The following FBXL7 variants were observed in gnomAD, a reference collection of about 807,000 sequenced individuals.
FBXL7 encodes the protein F-box/LRR-repeat protein 7.
In FBXL7, 12 loss-of-function variants were observed where a neutral mutation model predicts 38.3. The ratio of observed to expected loss-of-function variants is 0.31; its 90% CI spans 0.20 to 0.51. The LOEUF (loss-of-function observed/expected upper bound fraction) is 0.51, where lower values mean the gene tolerates loss of function less well. FBXL7 is among the 20% of genes least tolerant of loss of function. The pLI is 0.98. For synonymous variants in FBXL7, 297 were observed against 300.9 expected (o/e 0.99, Z 0.13); for missense variants, 567 against 676.4 (o/e 0.84, Z 1.79).
chr5:15,559,171 A>G (rs1204807051), intron 1 of FBXL7, among the ~76,000 whole-genome samples: 1 of 152,206 alleles, frequency 6.6e-6, no homozygotes, highest in African/African-American at 2.4e-5. Context: ...ACATATCAGG[A>G]AGACATGAAG....
intron 2 of FBXL7, among the ~76,000 whole-genome samples, chr5:15,771,657 G>A (rs1736729819): frequency 6.6e-6 from 1 of 151,944 alleles, no homozygotes; most frequent in Admixed American, 6.6e-5. Flanking sequence ...GTATTACTGA[G>A]GTACAGTCTG....
chr5:15,917,694 G>GAAGGAAGGAAGA (rs1287839446), intron 2 of FBXL7, among the ~76,000 whole-genome samples: 21 of 140,490 alleles, frequency 1.5e-4, no homozygotes, highest in South Asian at 4.5e-4. Context: ...AGGAAGGAAG[G>GAAGGAAGGAAGA]AAGAAAGAAA....
At chr5:15,873,694 C>T (rs757178199) in intron 2 of FBXL7, among the ~76,000 whole-genome samples, 4 of 152,120 alleles carry the variant, frequency 2.6e-5, no homozygotes, top group South Asian at 2.1e-4. Flanking sequence ...TGGACACATA[C>T]GCCCTCCCAA....
At chr5:15,556,175 G>T (rs993901012) in intron 1 of FBXL7, among the ~76,000 whole-genome samples, 1 of 152,026 alleles carries the variant, frequency 6.6e-6, no homozygotes, top group African/African-American at 2.4e-5. Flanking sequence ...TTATGTGACT[G>T]TGGAGGCTGG....
At chr5:15,905,604 T>G (rs1026124678) in intron 2 of FBXL7, among the ~76,000 whole-genome samples, 1 of 152,074 alleles carries the variant, frequency 6.6e-6, no homozygotes, top group Non-Finnish European at 1.5e-5. Context: ...CAAACAAATG[T>G]AACAACAACA....
At chr5:15,717,561 T>G (rs1744078110) in intron 2 of FBXL7, among the ~76,000 whole-genome samples, 1 of 152,202 alleles carries the variant, frequency 6.6e-6, no homozygotes, top group African/African-American at 2.4e-5. Flanking sequence ...ATTTGAATAA[T>G]AAGAAACTGC....
At chr5:15,566,017 C>T (rs919812792) in intron 1 of FBXL7, among the ~76,000 whole-genome samples, 14 of 151,900 alleles carry the variant, frequency 9.2e-5, no homozygotes, top group African/African-American at 2.7e-4. Context: ...AATCATCACA[C>T]GTGTAAAACT....
intron 2 of FBXL7, among the ~76,000 whole-genome samples, chr5:15,849,433 G>C (rs565067277): frequency 1.3e-5 from 2 of 152,328 alleles, no homozygotes; most frequent in African/African-American, 4.8e-5. Flanking sequence ...ACCTGTTGTA[G>C]GAGGGACTTG....
chr5:15,777,763 A>T (rs984112178), intron 2 of FBXL7, among the ~76,000 whole-genome samples: 4 of 149,508 alleles, frequency 2.7e-5, no homozygotes, highest in African/African-American at 9.9e-5. Context: ...TCCAGTTCCA[A>T]GGTTGAATAA....
chr5:15,658,422 G>A (rs1343649690), intron 2 of FBXL7, among the ~76,000 whole-genome samples: 2 of 152,156 alleles, frequency 1.3e-5, no homozygotes, highest in African/African-American at 4.8e-5. Flanking sequence ...TAATTGAATC[G>A]TGAGGGCAGT....
intron 2 of FBXL7, among the ~76,000 whole-genome samples, chr5:15,897,644 G>T (rs1741136491): frequency 6.6e-6 from 1 of 152,208 alleles, no homozygotes; most frequent in African/African-American, 2.4e-5. Context: ...TGTCTGAAGG[G>T]TGGGAGAGTT....
chr5:15,674,645 C>A (rs1469795549), intron 2 of FBXL7, among the ~76,000 whole-genome samples: 1 of 152,102 alleles, frequency 6.6e-6, no homozygotes, highest in Non-Finnish European at 1.5e-5. Context: ...ACTAAAAAAA[C>A]ACGGAGACAA....
chr5:15,609,592 T>G (rs1274816528), intron 1 of FBXL7, among the ~76,000 whole-genome samples: 4 of 152,202 alleles, frequency 2.6e-5, no homozygotes, highest in African/African-American at 9.6e-5. Flanking sequence ...GCTCTCTTGT[T>G]GCGGCTAATA....
chr5:15,608,995 A>C (rs959942019), intron 1 of FBXL7, among the ~76,000 whole-genome samples: 6 of 152,158 alleles, frequency 3.9e-5, no homozygotes, highest in African/African-American at 1.2e-4. Flanking sequence ...ACAGACTTGC[A>C]CGTGAGCATA....
intron 2 of FBXL7, among the ~76,000 whole-genome samples, chr5:15,725,955 G>A (rs1744338026): frequency 1.3e-5 from 2 of 152,138 alleles, no homozygotes. Context: ...CCATTATTGA[G>A]AGTAGGGTAT....
intron 2 of FBXL7, among the ~76,000 whole-genome samples, chr5:15,749,800 C>T (rs1277044066): frequency 1.3e-5 from 2 of 152,214 alleles, no homozygotes; most frequent in African/African-American, 4.8e-5. Flanking sequence ...CCAAAATACC[C>T]TCCTGGGGAA....
At chr5:15,876,984 G>A (rs899994891) in intron 2 of FBXL7, among the ~76,000 whole-genome samples, 3 of 152,170 alleles carry the variant, frequency 2.0e-5, no homozygotes, top group Admixed American at 6.6e-5. Context: ...TCAAAGAGCA[G>A]AGATTTTAAA....
chr5:15,934,075 A>G (rs1024086807), intron 3 of FBXL7, among the ~76,000 whole-genome samples: 3 of 151,996 alleles, frequency 2.0e-5, no homozygotes, highest in African/African-American at 7.3e-5. Flanking sequence ...TGCGCTCCAG[A>G]TTTTCTGCAA....
chr5:15,774,172 G>T (rs944860461), intron 2 of FBXL7, among the ~76,000 whole-genome samples: 1 of 151,908 alleles, frequency 6.6e-6, no homozygotes, highest in African/African-American at 2.4e-5. Flanking sequence ...GCTTCCAGAG[G>T]CTACCTGTAT....
Sources: gnomAD v4.1 joint callset for allele counts (sites outside exome capture counted in the v4.1 genomes callset) on GRCh38, gnomAD v4.1.1 for gene constraint, MANE v1.5 for transcripts, NCBI Gene and HGNC (gene_info 2026-07-23, HGNC 2026-07-21) for gene names.